Variants in NBPF11 observed in about 807,000 individuals in gnomAD.
NBPF11 encodes the protein NBPF member 11, also known as NBPF family member NBPF11.
NBPF11 carries 72 observed loss-of-function variants against 93.9 expected under a neutral mutation model. The observed-to-expected ratio is 0.77, with a 90% CI of 0.63 to 0.93. The LOEUF (loss-of-function observed/expected upper bound fraction) is 0.93, where lower values mean the gene tolerates loss of function less well. NBPF11 is among the 40% of genes least tolerant of loss of function. The pLI is 0.00. For missense variants in NBPF11, 705 were observed against 802.2 expected, an observed-to-expected ratio of 0.88 and a Z score of 1.46; for synonymous variants, 224 against 304.9, an observed-to-expected ratio of 0.73 and a Z score of 2.76.
At chr1:148,118,209 G>C (rs1161595207) in intron 11 of NBPF11, among the ~76,000 whole-genome samples, 1 of 150,324 alleles carries the variant, frequency 6.7e-6, no homozygotes, top group Admixed American at 6.6e-5. Context: ...AAGAAGAAAA[G>C]AATGACAGGG....
Position 148,115,522 on chromosome 1 carries a change from T to C in NBPF11, c.1585+271A>G, listed in dbSNP as rs4098216. Among the ~76,000 whole-genome samples, 3 of 151,632 alleles carry C rather than the reference T, an allele frequency of 2.0e-5. No homozygotes were observed. In the South Asian group the frequency reaches 6.2e-4, roughly 31 times the overall value. ...GATGACAAGAGATACTGAATCGAAGTTAGGAGGCCTGACAGATACTGCCTG... is the reference window on the plus strand; with the variant it reads ...GATGACAAGAGATACTGAATCGAAGCTAGGAGGCCTGACAGATACTGCCTG... On this transcript the variant is annotated intron_variant, in intron 14 of 23. Transcript: ENST00000682118.
At position 148,108,516 on chromosome 1, in the gene NBPF11, C is replaced by T. The variant is rs1553267798; in HGVS notation, c.1992G>A (p.Glu664=). ...CAACAGCCAAGCCAATACGCTGTTG[C>T]TCCAATACGTAAAAGGCACTTCTGT... ...QPYRSAFYVL[E]QQRIGLAVDM... is the part of the protein sequence containing the mutation. Residue 664 remains glutamate, a synonymous_variant, in exon 18 of 24, where the codon GAG becomes GAA. Transcript: ENST00000682118. 2 of 1,596,728 alleles carry T rather than the reference C, an allele frequency of 1.3e-6. No homozygotes were observed. Among genetic ancestry groups the T allele is most frequent in the Admixed American group, 1.7e-5 (1 of 59,888 alleles).
At chr1:148,113,085 C>T (rs1665685915) in intron 15 of NBPF11, among the ~76,000 whole-genome samples, 3 of 151,966 alleles carry the variant, frequency 2.0e-5, no homozygotes, top group Admixed American at 1.3e-4. Flanking sequence ...AACCAGCAAA[C>T]ATCATAACGA....
rs3992686 is a variant in NBPF11 at position 148,122,804 on chromosome 1, A to G, written c.494-3T>C. ...TTCATCCTCATCTTCGTCATTTTCT[A>G]TAAATACAAAATGTTCGTTCAGATA... On this transcript the variant is annotated splice_region_variant and splice_polypyrimidine_tract_variant and intron_variant, in intron 7 of 23. Coordinates refer to ENST00000682118, the MANE Select transcript of NBPF11 (RefSeq NM_001385469.3). 1 of 1,609,786 alleles carries G rather than the reference A, an allele frequency of 6.2e-7. No individual in the cohort carries two copies. Among genetic ancestry groups the G allele is most frequent in the Non-Finnish European group, 8.5e-7 (1 of 1,177,856 alleles).
At position 148,102,351 on chromosome 1, in the gene NBPF11, A is replaced by C. The variant is rs1662535965; in HGVS notation, c.*1545T>G. ...AGGCAGGGAGGATTAATAAATGATAAAATGTTTAGAGGATGATCATTAGAA... is the reference window on the plus strand; with the variant it reads ...AGGCAGGGAGGATTAATAAATGATACAATGTTTAGAGGATGATCATTAGAA... On this transcript the variant is annotated 3_prime_UTR_variant, in exon 24 of 24. Coordinates refer to ENST00000682118, the MANE Select transcript of NBPF11 (RefSeq NM_001385469.3). 1 of 151,890 alleles carries C rather than the reference A, an allele frequency of 6.6e-6. No homozygotes were observed. The highest frequency in any genetic ancestry group is 2.4e-5 in the African/African-American group (1 of 41,160). The allele number at this position is 151,890 out of a possible 1,614,324, so 9.4% of individuals were successfully genotyped here.
At chr1:148,120,001 A>C (rs1431710127) in intron 10 of NBPF11, among the ~76,000 whole-genome samples, 3 of 150,314 alleles carry the variant, frequency 2.0e-5, no homozygotes, top group Admixed American at 2.0e-4. Flanking sequence ...CACAGGTTCT[A>C]TTAGGAGCAG....
At chr1:148,141,121 G>C (rs1208585843) in intron 2 of NBPF11, among the ~76,000 whole-genome samples, 1 of 151,858 alleles carries the variant, frequency 6.6e-6, no homozygotes, top group African/African-American at 2.4e-5. Context: ...GTAGTAAAAC[G>C]ATGAGTGGTT....
chr1:148,110,428 G>C lies in NBPF11; in HGVS notation c.1751C>G (p.Thr584Arg). The C allele has an allele frequency of 6.3e-7, 1 of 1,593,392 alleles. No homozygotes were observed. Among genetic ancestry groups the C allele is most frequent in the Non-Finnish European group, 8.6e-7 (1 of 1,165,140 alleles). ...RLASYQSYSS[T>R]FHSLEEQQVC... is the part of the protein sequence containing the mutation. ...TTGCTGTTCCTCTAATGAGTGAAAT[G>C]TGCTGCTGTAAGACTGGTACGAGGC... Residue 584 changes from threonine (T) to arginine (R), a missense_variant, in exon 16 of 24, where the codon ACA (threonine) becomes AGA (arginine). By Grantham distance (71) the Thr-to-Arg change is moderately conservative. This residue lies in a region of NBPF11 where 19 missense variants were observed against 16.3 expected (regional missense o/e 1.17). Transcript: ENST00000682118.
chr1:148,123,792 G>C (rs1668456061), intron 7 of NBPF11, 61 bp downstream of exon 7: 1 of 1,511,084 alleles, frequency 6.6e-7, no homozygotes, highest in Non-Finnish European at 9.2e-7. Flanking sequence ...TGAAAGTATG[G>C]AGGTCTGGAG....
intron 10 of NBPF11, 22 bp downstream of exon 10, chr1:148,120,479 A>G: frequency 1.1e-6 from 1 of 902,368 alleles, no homozygotes; most frequent in South Asian, 1.3e-5. Context: ...CACTTTCGTG[A>G]TGGTGAGCAT....
intron 23 of NBPF11, 116 bp from the exon 24 acceptor site, chr1:148,104,028 T>C: frequency 1.3e-6 from 2 of 1,598,932 alleles, no homozygotes; most frequent in Admixed American, 3.4e-5. Flanking sequence ...GACAGATCCA[T>C]TAATGAGGTA....
At chr1:148,133,272 A>G (rs1670715244) in intron 4 of NBPF11, among the ~76,000 whole-genome samples, 1 of 151,902 alleles carries the variant, frequency 6.6e-6, no homozygotes, top group Non-Finnish European at 1.5e-5. Context: ...ATCTGTGAAT[A>G]AAGACAGCTT....
chr1:148,122,722 A>C lies in NBPF11; in HGVS notation c.566+7T>G. ...CCCATTACTTGCTCCTGAGTATTCA[A>C]TGTTACCTGGGGGCAGATGATTCCA... is the stretch of plus-strand genomic sequence containing the variant. On this transcript the variant is annotated splice_region_variant and intron_variant, in intron 8 of 23. Coordinates refer to ENST00000682118, the MANE Select transcript of NBPF11 (RefSeq NM_001385469.3). 1.9e-6 allele frequency: 3 copies of C among 1,609,562 alleles called. No individual in the cohort carries two copies. Among genetic ancestry groups the C allele is most frequent in the Non-Finnish European group, 8.5e-7 (1 of 1,177,100 alleles).
intron 2 of NBPF11, among the ~76,000 whole-genome samples, chr1:148,138,443 G>T (rs1300903682): frequency 6.6e-6 from 1 of 151,590 alleles, no homozygotes; most frequent in Non-Finnish European, 1.5e-5. Context: ...CTGTATTTCA[G>T]ACTATGACAT....
chr1:148,141,992 G>GGGAGGGAGGGAA (rs1672243557), intron 2 of NBPF11, among the ~76,000 whole-genome samples: 2 of 148,868 alleles, frequency 1.3e-5, no homozygotes, highest in African/African-American at 5.0e-5. Context: ...AAAGAATGGA[G>GGGAGGGAGGGAA]GGAGGGAGGG....
At chr1:148,126,155 G>A (rs1208996772) in intron 5 of NBPF11, among the ~76,000 whole-genome samples, 6 of 151,668 alleles carry the variant, frequency 4.0e-5, no homozygotes, top group Non-Finnish European at 7.4e-5. Context: ...TGCCCGCCAC[G>A]ACGCCCATCT....
intron 18 of NBPF11, among the ~76,000 whole-genome samples, 189 bp downstream of exon 18, chr1:148,108,293 C>T (rs1664276989): frequency 2.0e-5 from 3 of 151,932 alleles, no homozygotes; most frequent in South Asian, 4.2e-4. Context: ...GGAAGAGAGC[C>T]TTGCTCACTG....
chr1:148,146,126 G>T (rs1462298004), intron 1 of NBPF11, among the ~76,000 whole-genome samples: 2 of 151,746 alleles, frequency 1.3e-5, no homozygotes, highest in Non-Finnish European at 2.9e-5. Flanking sequence ...CATGGAGCGC[G>T]GCCCTGGGGC....
intron 3 of NBPF11, among the ~76,000 whole-genome samples, chr1:148,136,802 A>G (rs1287897045): frequency 1.3e-5 from 2 of 151,888 alleles, no homozygotes; most frequent in Non-Finnish European, 2.9e-5. Flanking sequence ...AGGTCGACAG[A>G]GGTAAGGGAA....
Sources: allele counts gnomAD v4.1 joint callset (sites outside exome capture counted in the v4.1 genomes callset), GRCh38; gene constraint gnomAD v4.1.1; regional missense constraint gnomAD v4.1.1; transcripts MANE v1.5; gene names NCBI Gene and HGNC (gene_info 2026-07-23, HGNC 2026-07-21).